HEATR4: variants seen among roughly 807,000 people sequenced by gnomAD.
HEATR4 encodes the protein HEAT repeat-containing protein 4.
A neutral mutation model predicts 108.8 loss-of-function variants in HEATR4; 95 were observed. The ratio of observed to expected loss-of-function variants is 0.87; its 90% confidence interval spans 0.74 to 1.04. HEATR4 has a LOEUF of 1.04. HEATR4 is among the 50% of genes least tolerant of loss of function. The probability of loss-of-function intolerance (pLI) is 0.00; values close to 1 mark genes in which losing one functional copy is unlikely to be tolerated. For synonymous variants in HEATR4, 443 were observed against 459.4 expected (o/e 0.96, Z 0.46); for missense variants, 1,152 against 1,253.8 (o/e 0.92, Z 1.23).
chr14:73,499,880 T>C (rs1428702078), intron 12 of HEATR4, among the ~76,000 whole-genome samples: 1 of 152,192 alleles, frequency 6.6e-6, no homozygotes, highest in African/African-American at 2.4e-5. Flanking sequence ...TTGTCCAACA[T>C]GTGGCCTAGG....
chr14:73,633,575 C>T, the HEATR4 span: 2 of 152,226 alleles, frequency 1.3e-5, no homozygotes, highest in Non-Finnish European at 2.9e-5. Context: ...CCCTAGCACA[C>T]TTGGCCTCCT....
intron 17 of HEATR4, chr14:73,491,139 A>T: frequency 6.2e-7 from 1 of 1,607,942 alleles, no homozygotes; most frequent in Non-Finnish European, 8.5e-7. Context: ...AAGATACGAA[A>T]GCAGCTGCGA....
At chr14:73,567,515 A>ACTCTGTAAAATGGAAAATCAGCG in the HEATR4 span, 3 of 151,924 alleles carry the variant, frequency 2.0e-5, no homozygotes, top group African/African-American at 7.3e-5. Context: ...ACCAATCAGC[A>ACTCTGTAAAATGGAAAATCAGCG]CTCTGTAAAA....
intron 2 of HEATR4, among the ~76,000 whole-genome samples, chr14:73,524,313 AT>A (rs1566842709): frequency 0.013 from 1,185 of 93,028 alleles, 10 homozygotes; most frequent in Non-Finnish European, 0.022. Context: ...AAAAAAAAAT[AT>A]ATATATATAT....
intron 11 of HEATR4, among the ~76,000 whole-genome samples, chr14:73,500,989 C>T (rs1886419116): frequency 6.6e-6 from 1 of 152,244 alleles, no homozygotes; most frequent in Non-Finnish European, 1.5e-5. Context: ...AAAATGTCAA[C>T]TTGCACCTCT....
chr14:73,595,784 CTT>C, the HEATR4 span: 1 of 1,177,268 alleles, frequency 8.5e-7, no homozygotes, highest in East Asian at 2.5e-5. Flanking sequence ...TTTTACGTAA[CTT>C]TGTTGAATAA....
In HEATR4 at chr14:73,524,310, A is replaced by AAATATAT; in HGVS notation, c.-72-1087_-72-1086insATATATT. On this transcript the variant is annotated intron_variant, in intron 2 of 17. Coordinates refer to ENST00000553558, the MANE Select transcript of HEATR4 (RefSeq NM_001220484.1). ...CTCCGTCTCAAAAAAAAAAAAAAAAAATATATATATATATATATATATATA... is the reference window on the plus strand; with the variant it reads ...CTCCGTCTCAAAAAAAAAAAAAAAAAAATATATATATATATATATATATATATATATA... 4.2e-3 allele frequency among the ~76,000 whole-genome samples: 229 copies of AAATATAT among 54,768 alleles called. 1 individual carries two copies. Among genetic ancestry groups the AAATATAT allele is most frequent in the Non-Finnish European group, 5.3e-3 (171 of 32,104 alleles). 35.9% of individuals were successfully genotyped at this position (54,768 alleles called of 152,430 possible). A position where few individuals can be genotyped will look rare whatever the true frequency, so the allele number is the denominator to read the frequency against.
At chr14:73,598,176 ATCC>A in the HEATR4 span, among the ~76,000 whole-genome samples, 1 of 133,578 alleles carries the variant, frequency 7.5e-6, no homozygotes, top group African/African-American at 2.8e-5. Context: ...GATCAAGACC[ATCC>A]TGGTTAACAT....
At chr14:73,571,906 C>A in the HEATR4 span, among the ~76,000 whole-genome samples, 1 of 151,796 alleles carries the variant, frequency 6.6e-6, no homozygotes, top group African/African-American at 2.4e-5. Context: ...GAGCAATCAG[C>A]CAGTGTAAAA....
the HEATR4 span, among the ~76,000 whole-genome samples, chr14:73,597,586 CT>C: frequency 8.0e-6 from 1 of 124,370 alleles, no homozygotes; most frequent in Non-Finnish European, 1.7e-5. Context: ...TTTCTTTTTT[CT>C]TTTCTTTTTT....
Position 73,492,741 on chromosome 14 carries a change from G to A in HEATR4, c.2844+325C>T. ...CTCTATTACACAGTGGAAAACTCCC[G>A]TGTGTATCATCTGGAAGAACCCAAG... On this transcript the variant is annotated intron_variant, in intron 17 of 17. Coordinates refer to ENST00000553558, the MANE Select transcript of HEATR4 (RefSeq NM_001220484.1). This position sits in a 1 kb window ranked among gnomAD's most constrained non-coding sequence, Gnocchi z 4.9. 2 of 1,613,948 alleles carry A rather than the reference G, an allele frequency of 1.2e-6. No homozygotes were observed. The highest frequency in any genetic ancestry group is 2.2e-5 in the East Asian group (1 of 44,884).
At chr14:73,569,318 T>C in the HEATR4 span, 9 of 1,613,858 alleles carry the variant, frequency 5.6e-6, no homozygotes, top group South Asian at 9.9e-5. Flanking sequence ...CATCTCCTGC[T>C]GTCCTTCGAG....
chr14:73,595,450 T>C, the HEATR4 span: 1 of 1,614,192 alleles, frequency 6.2e-7, no homozygotes, highest in East Asian at 2.2e-5. Flanking sequence ...AGATCATCTG[T>C]TACCCTGGGA....
At chr14:73,619,055 G>T in the HEATR4 span, among the ~76,000 whole-genome samples, 1 of 152,088 alleles carries the variant, frequency 6.6e-6, no homozygotes, top group Middle Eastern at 3.2e-3. Context: ...GCTTGAACCC[G>T]GGAGGTGGAG....
intron 7 of HEATR4, among the ~76,000 whole-genome samples, chr14:73,511,162 A>G (rs1887227145): frequency 6.6e-6 from 1 of 152,138 alleles, no homozygotes; most frequent in South Asian, 2.1e-4. Flanking sequence ...GGTAATTTGA[A>G]GCTCAGAGAG....
the HEATR4 span, chr14:73,593,631 C>T: frequency 1.4e-6 from 2 of 1,421,456 alleles, no homozygotes; most frequent in Admixed American, 2.1e-5. Context: ...GCATGAACCA[C>T]AGTGTCCAGC....
intron 10 of HEATR4, 41 bp downstream of exon 10, chr14:73,506,426 C>G: frequency 6.8e-7 from 1 of 1,474,780 alleles, no homozygotes; most frequent in Non-Finnish European, 9.5e-7. Flanking sequence ...AGCTCAGCCT[C>G]TCTTAGGCTT....
the HEATR4 span, among the ~76,000 whole-genome samples, chr14:73,570,733 C>G: frequency 6.6e-6 from 1 of 151,622 alleles, no homozygotes; most frequent in African/African-American, 2.4e-5. Flanking sequence ...GGTGAAACCC[C>G]ATCTCTACTA....
intron 12 of HEATR4, among the ~76,000 whole-genome samples, chr14:73,500,185 G>T (rs1316981505): frequency 2.6e-5 from 4 of 152,094 alleles, no homozygotes; most frequent in African/African-American, 9.7e-5. Context: ...AGCCGAGATG[G>T]CGCCACTGCA....
Sources: allele counts gnomAD v4.1 joint callset (sites outside exome capture counted in the v4.1 genomes callset), GRCh38; gene constraint gnomAD v4.1.1; non-coding constraint Gnocchi (gnomAD v3.1); transcripts MANE v1.5; gene names NCBI Gene and HGNC (gene_info 2026-07-23, HGNC 2026-07-21).